Variants in DNAH12 observed in about 807,000 individuals in gnomAD.
The protein encoded by DNAH12 is dynein axonemal heavy chain 12, also known as axonemal beta dynein heavy chain 12.
Under a neutral mutation model 371.5 loss-of-function variants are expected in DNAH12, and 285 were observed. The ratio of observed to expected loss-of-function variants is 0.77; its 90% CI spans 0.70 to 0.85. The LOEUF (loss-of-function observed/expected upper bound fraction) is 0.85, where lower values mean the gene tolerates loss of function less well. Among genes scored for constraint, DNAH12 ranks in the 40% least tolerant of loss-of-function variants. The pLI is 0.00. For missense variants in DNAH12, 3,611 were observed against 3,689.4 expected, an observed-to-expected ratio of 0.98 and a Z score of 0.55; for synonymous variants, 1,200 against 1,213.0, an observed-to-expected ratio of 0.99 and a Z score of 0.22.
intron 2 of DNAH12, chr3:57,530,721 CTGTAGACAACATTGATGATCCT>C (rs1045901925): frequency 9.1e-6 from 3 of 331,378 alleles, no homozygotes; most frequent in African/African-American, 6.3e-5. Context: ...ATTGGACACA[CTGTAGACAACATTGATGATCCT>C]TGTTTTGCAC....
At chr3:57,352,049 AAAAT>A in intron 60 of DNAH12, 32 bp downstream of exon 60, 2 of 1,483,468 alleles carry the variant, frequency 1.3e-6, no homozygotes, top group Non-Finnish European at 1.8e-6. Context: ...GGAGGTTTTA[AAAAT>A]AAATAAATTA....
In DNAH12 at chr3:57,350,172, A is replaced by C. The variant is rs1204913602; in HGVS notation, c.9674+1913T>G. Among the ~76,000 whole-genome samples the C allele has an allele frequency of 5.3e-5, 8 of 151,318 alleles. No individual in the cohort carries two copies. The East Asian group carries it at 1.5e-3, about 29-fold the overall frequency. ...GGTGGAGAGGGATAAGAGACTACAC[A>C]TTAGGTACAGTGTACACTGCTCTGG... On this transcript the variant is annotated intron_variant, in intron 60 of 73. Coordinates refer to ENST00000495027, the MANE Select transcript of DNAH12 (RefSeq NM_001366028.2).
chr3:57,335,262 C>T (rs1009942569), intron 60 of DNAH12, among the ~76,000 whole-genome samples: 16 of 152,214 alleles, frequency 1.1e-4, no homozygotes, highest in African/African-American at 3.1e-4. Flanking sequence ...ATTGAGGAAA[C>T]CGGCATTAAG....
chr3:57,489,618 C>T lies in DNAH12; in HGVS notation c.1405G>A (p.Val469Met). 1 of 1,542,500 alleles carries T rather than the reference C, an allele frequency of 6.5e-7. No individual in the cohort carries two copies. Residue 469 changes from valine (V) to methionine (M), a missense_variant, in exon 12 of 74, where the codon GTG becomes ATG. Physicochemically the swap from Val to Met is conservative, Grantham distance 21. Coordinates refer to ENST00000495027, the MANE Select transcript of DNAH12 (RefSeq NM_001366028.2). Reference protein sequence around the residue: ...LLPQWIHYTMVRLDCEDLKTG... With the variant: ...LLPQWIHYTMMRLDCEDLKTG... ...TTCAAATCTTCACAATCCAAACGCA[C>T]CATAGTGTAATGAATCCACTGAGGC...
chr3:57,408,827 T>C (rs1360714775), intron 39 of DNAH12, among the ~76,000 whole-genome samples: 1 of 152,214 alleles, frequency 6.6e-6, no homozygotes, highest in African/African-American at 2.4e-5. Context: ...TCTCCTTTCT[T>C]ATTCCAAATC....
chr3:57,543,449 A>C (rs1172816508), intron 1 of DNAH12, among the ~76,000 whole-genome samples: 2 of 145,510 alleles, frequency 1.4e-5, no homozygotes, highest in Non-Finnish European at 3.0e-5. Context: ...CAGCCTCCCG[A>C]GTAGCTAGGA....
In DNAH12 at chr3:57,415,436, T is replaced by C. The variant is rs1266661189; in HGVS notation, c.5843A>G (p.Asn1948Ser). ...YINLSARTSA[N>S]QVQNIIMARL... ...TGTCTTTAAACTAACCTGAACCTGATTGGCGCTGGTCCGTGCAGATAAGTT... is the reference window on the plus strand; with the variant it reads ...TGTCTTTAAACTAACCTGAACCTGACTGGCGCTGGTCCGTGCAGATAAGTT... The change falls in exon 38 of 74, where the codon AAT (asparagine) becomes AGT (serine). Residue 1948 changes from asparagine (N) to serine (S), a missense_variant. Coordinates refer to ENST00000495027, the MANE Select transcript of DNAH12 (RefSeq NM_001366028.2). The C allele has an allele frequency of 1.4e-5, 21 of 1,548,758 alleles. No individual in the cohort carries two copies. Among genetic ancestry groups the C allele is most frequent in the East Asian group, 9.8e-5 (4 of 40,894 alleles).
In DNAH12 at chr3:57,405,641, C is replaced by T. The variant is rs1487224101; in HGVS notation, c.6576+12G>A. On this transcript the variant is annotated intron_variant, in intron 41 of 73. Coordinates refer to ENST00000495027, the MANE Select transcript of DNAH12 (RefSeq NM_001366028.2). ...TGCTTTAACTCAATATGTTCTTAAT[C>T]GCCATACTCACTGGTGCATTTTGTT... 1.3e-5 allele frequency: 20 copies of T among 1,546,696 alleles called. No individual in the cohort carries two copies. The highest frequency in any genetic ancestry group is 4.9e-5 in the East Asian group (2 of 40,878).
chr3:57,387,477 T>C (rs2063519529), intron 45 of DNAH12, among the ~76,000 whole-genome samples: 1 of 152,200 alleles, frequency 6.6e-6, no homozygotes, highest in Non-Finnish European at 1.5e-5. Flanking sequence ...AAAGATGTAT[T>C]ACACTGTCTT....
chr3:57,346,315 G>C (rs2062541213), intron 60 of DNAH12, among the ~76,000 whole-genome samples: 1 of 152,232 alleles, frequency 6.6e-6, no homozygotes, highest in South Asian at 2.1e-4. Context: ...AGGGGAAACT[G>C]TAAAGAGTCT....
At chr3:57,447,760 G>A (rs1024486620) in intron 25 of DNAH12, among the ~76,000 whole-genome samples, 3 of 152,042 alleles carry the variant, frequency 2.0e-5, no homozygotes, top group East Asian at 1.9e-4. Context: ...GTGCCCCTCT[G>A]CCTCCTGGGC....
At chr3:57,399,121 A>G (rs2063803560) in intron 43 of DNAH12, among the ~76,000 whole-genome samples, 1 of 152,208 alleles carries the variant, frequency 6.6e-6, no homozygotes, top group Non-Finnish European at 1.5e-5. Context: ...CTATAACTTT[A>G]GGTTGTTTTA....
intron 5 of DNAH12, 50 bp downstream of exon 5, chr3:57,510,739 CG>C: frequency 1.9e-6 from 3 of 1,549,722 alleles, no homozygotes; most frequent in East Asian, 2.3e-5. Flanking sequence ...TCAGTGGGGA[CG>C]GGGGGAGGCC....
At chr3:57,398,306 T>G (rs982385014) in intron 43 of DNAH12, among the ~76,000 whole-genome samples, 39 of 152,224 alleles carry the variant, frequency 2.6e-4, no homozygotes, top group Admixed American at 1.6e-3. Flanking sequence ...CACCATCAAG[T>G]GGACCAATAT....
intron 65 of DNAH12, among the ~76,000 whole-genome samples, chr3:57,320,775 G>A (rs1344863330): frequency 6.6e-6 from 1 of 152,176 alleles, no homozygotes; most frequent in Non-Finnish European, 1.5e-5. Context: ...CCAGCAAGAT[G>A]TGTTTGAACA....
intron 2 of DNAH12, among the ~76,000 whole-genome samples, chr3:57,537,029 C>T (rs1039181313): frequency 4.3e-5 from 4 of 92,408 alleles, no homozygotes; most frequent in Non-Finnish European, 1.0e-4. Context: ...CTCATCTCTA[C>T]GAAAAAATAC....
intron 57 of DNAH12, among the ~76,000 whole-genome samples, chr3:57,364,411 A>G (rs1237747049): frequency 6.6e-6 from 1 of 152,180 alleles, no homozygotes; most frequent in Non-Finnish European, 1.5e-5. Context: ...TGATAATGCT[A>G]CATTTAGATT....
chr3:57,413,709 T>C, intron 39 of DNAH12, 37 bp downstream of exon 39: 1 of 1,522,450 alleles, frequency 6.6e-7, no homozygotes, highest in Non-Finnish European at 8.8e-7. Flanking sequence ...AAAACTGAGG[T>C]ATAACTTCAG....
At chr3:57,392,692 G>A (rs1465734811) in intron 44 of DNAH12, among the ~76,000 whole-genome samples, 1 of 152,122 alleles carries the variant, frequency 6.6e-6, no homozygotes, top group Admixed American at 6.6e-5. Context: ...TTTTGCGACA[G>A]TATATAGAAT....
Sources: gnomAD v4.1 joint callset for allele counts (sites outside exome capture counted in the v4.1 genomes callset) on GRCh38, gnomAD v4.1.1 for gene constraint, MANE v1.5 for transcripts, NCBI Gene and HGNC (gene_info 2026-07-23, HGNC 2026-07-21) for gene names.